Variants in ANKS1B observed in about 807,000 individuals in gnomAD.
ANKS1B encodes ankyrin repeat and sterile alpha motif domain containing 1B.
In ANKS1B, 36 loss-of-function variants were observed where a neutral mutation model predicts 148.3. That is an observed-to-expected ratio of 0.24 (90% confidence interval 0.19 to 0.32). The LOEUF (loss-of-function observed/expected upper bound fraction) is 0.32. ANKS1B is among the 10% of genes least tolerant of loss of function. The probability of loss-of-function intolerance (pLI) is 1.00; values close to 1 mark genes in which losing one functional copy is unlikely to be tolerated. For missense variants in ANKS1B, 1,157 were observed against 1,542.6 expected, an observed-to-expected ratio of 0.75 and a Z score of 4.19; for synonymous variants, 542 against 560.8, an observed-to-expected ratio of 0.97 and a Z score of 0.47.
In ANKS1B at chr12:99,823,384, C is replaced by T. The variant is rs921419637; in HGVS notation, c.215+1925G>A. Among the ~76,000 whole-genome samples the T allele has an allele frequency of 2.0e-5, 3 of 152,182 alleles. No individual in the cohort carries two copies. In the South Asian group the frequency reaches 6.2e-4, roughly 32 times the overall value. On this transcript the variant is annotated intron_variant, in intron 2 of 26. Transcript: ENST00000683438. ...GCAGTCATGAGATCTCTGCTCGCTG[C>T]AACCTCTGCCTCCAGGGTTCAAGCG...
intron 9 of ANKS1B, among the ~76,000 whole-genome samples, chr12:99,627,194 T>A (rs2098118949): frequency 6.6e-6 from 1 of 152,194 alleles, no homozygotes; most frequent in South Asian, 2.1e-4. Flanking sequence ...TATTGACATA[T>A]GCAGAAAACA....
At chr12:99,857,229 T>C (rs1290320032) in intron 1 of ANKS1B, among the ~76,000 whole-genome samples, 1 of 152,136 alleles carries the variant, frequency 6.6e-6, no homozygotes, top group East Asian at 1.9e-4. Flanking sequence ...AGCCCTGCTA[T>C]ACATCAACAG....
At chr12:98,957,449 G>A (rs928733287) in intron 17 of ANKS1B, among the ~76,000 whole-genome samples, 4 of 151,914 alleles carry the variant, frequency 2.6e-5, no homozygotes, top group Admixed American at 6.6e-5. Context: ...CTGGGTTCAC[G>A]CCATGCTCCT....
chr12:99,625,761 G>A (rs529540911), intron 9 of ANKS1B, among the ~76,000 whole-genome samples: 63 of 152,040 alleles, frequency 4.1e-4, no homozygotes, highest in Non-Finnish European at 7.6e-4. Context: ...TAAAGAAAAC[G>A]TTCACAGGAG....
intron 15 of ANKS1B, among the ~76,000 whole-genome samples, chr12:99,135,392 A>T (rs1307971751): frequency 6.6e-6 from 1 of 152,186 alleles, no homozygotes; most frequent in African/African-American, 2.4e-5. Flanking sequence ...CCCAAAATGT[A>T]CCTTTATATT....
At chr12:99,202,693 A>G (rs972017710) in intron 14 of ANKS1B, among the ~76,000 whole-genome samples, 6 of 152,334 alleles carry the variant, frequency 3.9e-5, no homozygotes, top group African/African-American at 1.4e-4. Context: ...TTTCTGTTTC[A>G]GTTATCTATT....
intron 1 of ANKS1B, among the ~76,000 whole-genome samples, chr12:99,874,793 T>G (rs565048423): frequency 3.9e-5 from 6 of 152,206 alleles, no homozygotes; most frequent in Admixed American, 2.6e-4. Flanking sequence ...CCTCAAAGAG[T>G]TTCAATTTCC....
intron 8 of ANKS1B, among the ~76,000 whole-genome samples, 155 bp from the exon 9 acceptor site, chr12:99,655,365 A>T (rs370961091): frequency 2.0e-5 from 3 of 152,324 alleles, no homozygotes; most frequent in East Asian, 1.9e-4. Flanking sequence ...TGCCTGAGAT[A>T]AAAATATGTA....
chr12:99,626,595 T>A (rs2098114677), intron 9 of ANKS1B, among the ~76,000 whole-genome samples: 1 of 152,174 alleles, frequency 6.6e-6, no homozygotes. Flanking sequence ...TTCCATCTTC[T>A]TCATGACCAC....
chr12:99,174,964 T>A (rs893096502), intron 14 of ANKS1B, among the ~76,000 whole-genome samples: 1 of 152,190 alleles, frequency 6.6e-6, no homozygotes, highest in Non-Finnish European at 1.5e-5. Flanking sequence ...AAACTGATGC[T>A]CAATGAAGGA....
At chr12:99,192,102 A>G (rs2080805720) in intron 14 of ANKS1B, among the ~76,000 whole-genome samples, 1 of 126,430 alleles carries the variant, frequency 7.9e-6, no homozygotes, top group Admixed American at 9.9e-5. Flanking sequence ...ACTGCACTCC[A>G]GCCTGAGTGA....
In ANKS1B at chr12:99,489,957, A is replaced by G. The variant is rs1567202134; in HGVS notation, c.1438+14519T>C. ...ATATAAATAGAATAGGTTCTCCCAC[A>G]GAGAATGAGCCTGGCTAAATCTGAT... On this transcript the variant is annotated intron_variant, in intron 10 of 26. Transcript: ENST00000683438. Among the ~76,000 whole-genome samples the G allele has an allele frequency of 2.0e-5, 3 of 152,254 alleles. No individual in the cohort carries two copies. The South Asian group carries it at 6.2e-4, about 32-fold the overall frequency.
chr12:99,566,238 A>C (rs1327215821), intron 9 of ANKS1B, among the ~76,000 whole-genome samples: 1 of 152,256 alleles, frequency 6.6e-6, no homozygotes, highest in East Asian at 1.9e-4. Flanking sequence ...GCATTCTATT[A>C]CAAGCAGTAA....
chr12:99,614,937 T>A (rs2153355262), intron 9 of ANKS1B, among the ~76,000 whole-genome samples: 1 of 150,666 alleles, frequency 6.6e-6, no homozygotes, highest in South Asian at 2.1e-4. Flanking sequence ...CAGTCTAGAA[T>A]GAAATGAATC....
intron 17 of ANKS1B, among the ~76,000 whole-genome samples, chr12:98,894,361 G>T (rs965756320): frequency 7.4e-6 from 1 of 134,636 alleles, no homozygotes; most frequent in African/African-American, 2.8e-5. Flanking sequence ...CAAGAATGAG[G>T]AAAGGAAATG....
intron 9 of ANKS1B, among the ~76,000 whole-genome samples, chr12:99,555,525 A>G (rs972476353): frequency 6.6e-6 from 1 of 152,084 alleles, no homozygotes; most frequent in Admixed American, 6.5e-5. Context: ...TCAGTTCTCA[A>G]GGGTTATGCT....
rs1406080523 is a variant in ANKS1B at position 99,308,775 on chromosome 12, A to G, written c.1757-61911T>C. ...TGGTATCATTTGTTTCCATTTTTAT[A>G]TCCTTCAAAACTGTTCTGTATTTTT... On this transcript the variant is annotated intron_variant, in intron 12 of 26. Transcript: ENST00000683438. Among the ~76,000 whole-genome samples, 10 of 151,752 alleles carry G rather than the reference A, an allele frequency of 6.6e-5. No homozygotes were observed. The East Asian group carries it at 1.9e-3, about 29-fold the overall frequency.
chr12:99,276,658 G>C (rs1262828508), intron 12 of ANKS1B, among the ~76,000 whole-genome samples: 1 of 152,160 alleles, frequency 6.6e-6, no homozygotes, highest in African/African-American at 2.4e-5. Context: ...CCCAGTCTGT[G>C]ATATTTTGTT....
intron 17 of ANKS1B, among the ~76,000 whole-genome samples, chr12:98,903,396 G>A (rs1250116209): frequency 2.0e-5 from 3 of 152,064 alleles, no homozygotes; most frequent in Non-Finnish European, 4.4e-5. Flanking sequence ...ACAGTGGTTT[G>A]TTCAGAGACG....
Sources: gnomAD v4.1 joint callset for allele counts (sites outside exome capture counted in the v4.1 genomes callset) on GRCh38, gnomAD v4.1.1 for gene constraint, MANE v1.5 for transcripts, NCBI Gene and HGNC (gene_info 2026-07-23, HGNC 2026-07-21) for gene names.